PHACTR3: variants seen among roughly 807,000 people sequenced by gnomAD.
PHACTR3 encodes phosphatase and actin regulator 3, also known as protein phosphatase 1, regulatory subunit 123.
A neutral mutation model predicts 66.8 loss-of-function variants in PHACTR3; 16 were observed. The observed-to-expected ratio is 0.24, with a 90% confidence interval of 0.16 to 0.36. The LOEUF is 0.36. Ranked by LOEUF, PHACTR3 falls within the 10% of genes least tolerant of loss-of-function variation. The probability of loss-of-function intolerance (pLI) is 1.00; values close to 1 mark genes in which losing one functional copy is unlikely to be tolerated. For synonymous variants in PHACTR3, 323 were observed against 292.1 expected (o/e 1.11, Z -1.08); for missense variants, 647 against 719.9 (o/e 0.90, Z 1.16).
intron 1 of PHACTR3, among the ~76,000 whole-genome samples, chr20:59,584,664 C>T (rs752556094): frequency 6.6e-6 from 1 of 152,150 alleles, no homozygotes; most frequent in Non-Finnish European, 1.5e-5. Flanking sequence ...TCCTCCAGCT[C>T]CCAGCCCCTA....
chr20:59,695,424 C>T (rs541601792), intron 1 of PHACTR3, among the ~76,000 whole-genome samples: 45 of 152,222 alleles, frequency 3.0e-4, no homozygotes, highest in African/African-American at 1.0e-3. Flanking sequence ...CTTTGCCTTC[C>T]GCCGTGATTA....
At chr20:59,602,446 A>G (rs976532475), upstream of PHACTR3, among the ~76,000 whole-genome samples, 179 of 152,168 alleles carry the variant, frequency 1.2e-3, no homozygotes, top group African/African-American at 4.1e-3. Flanking sequence ...TTTCAAAAAA[A>G]AAAAAAAAAG....
chr20:59,671,256 A>T (rs1270472963), intron 1 of PHACTR3, among the ~76,000 whole-genome samples: 9 of 152,152 alleles, frequency 5.9e-5, no homozygotes, highest in Non-Finnish European at 5.9e-5. Context: ...GAGCATCTGT[A>T]CATTCACAAG....
chr20:59,670,621 G>A (rs947260051), intron 1 of PHACTR3, among the ~76,000 whole-genome samples: 1 of 134,566 alleles, frequency 7.4e-6, no homozygotes, highest in African/African-American at 2.6e-5. Context: ...GGGGGGGCAG[G>A]CACTTTTACT....
At chr20:59,667,082 T>G (rs1433265264) in intron 1 of PHACTR3, among the ~76,000 whole-genome samples, 1 of 152,178 alleles carries the variant, frequency 6.6e-6, no homozygotes, top group Non-Finnish European at 1.5e-5. Flanking sequence ...CACCTGGAGA[T>G]CTCAGCCTGG....
intron 5 of PHACTR3, among the ~76,000 whole-genome samples, chr20:59,773,011 C>T (rs1003540632): frequency 1.2e-4 from 18 of 152,260 alleles, no homozygotes; most frequent in South Asian, 2.1e-4. Flanking sequence ...CTAAGCCCAG[C>T]GCCCTGCAGG....
At chr20:59,609,470 TCCCACCCCCACC>T (rs1600907164) in intron 1 of PHACTR3, among the ~76,000 whole-genome samples, 1 of 147,684 alleles carries the variant, frequency 6.8e-6, no homozygotes, top group African/African-American at 2.5e-5. Flanking sequence ...GTTTCAGGTC[TCCCACCCCCACC>T]CCCACCCTCA....
chr20:59,620,608 C>T (rs554316852), intron 1 of PHACTR3, among the ~76,000 whole-genome samples: 4 of 152,284 alleles, frequency 2.6e-5, no homozygotes, highest in Admixed American at 2.0e-4. Flanking sequence ...CCCCCATAAG[C>T]GATGTCGCTG....
At chr20:59,639,862 T>G (rs1050014649) in intron 1 of PHACTR3, among the ~76,000 whole-genome samples, 7 of 152,228 alleles carry the variant, frequency 4.6e-5, no homozygotes, top group African/African-American at 1.7e-4. Context: ...ATATAAATTT[T>G]TGAAACCTGT....
intron 8 of PHACTR3, chr20:59,835,762 T>C (rs1321065884): frequency 6.6e-6 from 1 of 151,846 alleles, no homozygotes; most frequent in Non-Finnish European, 1.5e-5. Flanking sequence ...GAAAAAGAAA[T>C]AATAATTTGT....
rs1211924573 is a variant in PHACTR3, at chr20:59,695,456, A to T, written c.119-47651A>T. On this transcript the variant is annotated intron_variant, in intron 1 of 12. Coordinates refer to ENST00000371015, the MANE Select transcript of PHACTR3 (RefSeq NM_080672.5). ...ATTATAAGTTTCCTGAGGTCTCTACAGTCGTGCTTCCTGTACAGCCTGTGG... is the reference window on the plus strand; with the variant it reads ...ATTATAAGTTTCCTGAGGTCTCTACTGTCGTGCTTCCTGTACAGCCTGTGG... Among the ~76,000 whole-genome samples, 4 of 152,254 alleles carry T rather than the reference A, an allele frequency of 2.6e-5. No individual in the cohort carries two copies. The East Asian group carries it at 7.7e-4, about 29-fold the overall frequency.
chr20:59,757,700 C>T (rs973453948), intron 4 of PHACTR3, among the ~76,000 whole-genome samples: 1 of 152,184 alleles, frequency 6.6e-6, no homozygotes, highest in Non-Finnish European at 1.5e-5. Context: ...ACCTATCATT[C>T]CAGCACTTTG....
chr20:59,657,482 G>C (rs2035659809), intron 1 of PHACTR3, among the ~76,000 whole-genome samples: 1 of 152,068 alleles, frequency 6.6e-6, no homozygotes. Context: ...TTATATGGCA[G>C]ATCTTTTAGC....
chr20:59,712,035 T>G (rs573692835), intron 1 of PHACTR3, among the ~76,000 whole-genome samples: 2 of 152,192 alleles, frequency 1.3e-5, no homozygotes, highest in Non-Finnish European at 1.5e-5. Flanking sequence ...TTTTACTTTT[T>G]TATATGAATT....
At chr20:59,717,375 C>T (rs1343017121) in intron 1 of PHACTR3, among the ~76,000 whole-genome samples, 1 of 152,208 alleles carries the variant, frequency 6.6e-6, no homozygotes, top group African/African-American at 2.4e-5. Context: ...CAGTGCTAAA[C>T]TAGAATATAC....
chr20:59,840,567 T>G, intron 10 of PHACTR3, 137 bp downstream of exon 10: 1 of 1,331,594 alleles, frequency 7.5e-7, no homozygotes, highest in Non-Finnish European at 1.0e-6. Context: ...TGGCATCAGT[T>G]AAATCAGGAT....
At chr20:59,774,570 T>G (rs2040462331) in intron 7 of PHACTR3, 80 bp downstream of exon 7, 3 of 1,520,552 alleles carry the variant, frequency 2.0e-6, no homozygotes, top group African/African-American at 1.4e-5. Context: ...ACAGAGCTCG[T>G]GCCTGGGGGA....
At chr20:59,789,249 A>ATGTG (rs1568824567) in intron 7 of PHACTR3, among the ~76,000 whole-genome samples, 22 of 152,042 alleles carry the variant, frequency 1.4e-4, no homozygotes, top group African/African-American at 5.1e-4. Flanking sequence ...ATGAGGAGGC[A>ATGTG]GAGACTGGAG....
chr20:59,746,865 T>C (rs1218826031), intron 2 of PHACTR3, among the ~76,000 whole-genome samples: 2 of 152,182 alleles, frequency 1.3e-5, no homozygotes, highest in African/African-American at 2.4e-5. Context: ...GGAGGCTGCA[T>C]TGAGCTGAGA....
Sources: gnomAD v4.1 joint callset for allele counts (sites outside exome capture counted in the v4.1 genomes callset) on GRCh38, gnomAD v4.1.1 for gene constraint, MANE v1.5 for transcripts, NCBI Gene and HGNC (gene_info 2026-07-23, HGNC 2026-07-21) for gene names.